The following ADGRL2 variants were observed in gnomAD, a reference collection of about 807,000 sequenced individuals.
ADGRL2 encodes the protein adhesion G protein-coupled receptor L2, also known as calcium-independent alpha-latrotoxin receptor 2.
In ADGRL2, 44 loss-of-function variants were observed where a neutral mutation model predicts 157.4. The observed-to-expected ratio is 0.28, with a 90% CI of 0.22 to 0.36. The LOEUF (loss-of-function observed/expected upper bound fraction) is 0.36. ADGRL2 is among the 10% of genes least tolerant of loss of function. The pLI, the probability that ADGRL2 is intolerant of heterozygous loss-of-function variation, is 1.00. For missense variants in ADGRL2, 1,510 were observed against 1,768.9 expected, an observed-to-expected ratio of 0.85 and a Z score of 2.63; for synonymous variants, 585 against 624.7, an observed-to-expected ratio of 0.94 and a Z score of 0.95.
intron 1 of ADGRL2, among the ~76,000 whole-genome samples, chr1:81,747,033 C>T (rs867148391): frequency 4.2e-5 from 6 of 143,046 alleles, no homozygotes; most frequent in Non-Finnish European, 7.6e-5. Flanking sequence ...CGTGTATATA[C>T]GTATATATAT....
intron 1 of ADGRL2, among the ~76,000 whole-genome samples, chr1:81,405,258 C>CA (rs1324577835): frequency 1.3e-5 from 2 of 152,044 alleles, no homozygotes; most frequent in African/African-American, 4.8e-5. Flanking sequence ...ACATCACACA[C>CA]AAAAAATGGG....
intron 3 of ADGRL2, among the ~76,000 whole-genome samples, chr1:81,619,940 T>C (rs2081753312): frequency 7.9e-6 from 1 of 126,014 alleles, no homozygotes; most frequent in Non-Finnish European, 1.7e-5. Context: ...TTTCCATTTC[T>C]TTAAAAAAAA....
intron 2 of ADGRL2, among the ~76,000 whole-genome samples, chr1:81,859,304 T>C (rs1402045404): frequency 1.3e-5 from 2 of 152,176 alleles, no homozygotes; most frequent in African/African-American, 2.4e-5. Flanking sequence ...TTCTCTCTTA[T>C]TGTGTAGTAT....
At chr1:81,622,585 C>CAA (rs535293011) in intron 3 of ADGRL2, among the ~76,000 whole-genome samples, 2 of 151,794 alleles carry the variant, frequency 1.3e-5, no homozygotes, top group South Asian at 4.2e-4. Flanking sequence ...CGTCTCAAAA[C>CAA]AAAAAAACCT....
At chr1:81,517,464 CAAAAAAAAAA>C (rs397956551) in intron 2 of ADGRL2, among the ~76,000 whole-genome samples, 2 of 45,278 alleles carry the variant, frequency 4.4e-5, no homozygotes, top group South Asian at 1.1e-3. Context: ...GACTCCCTCT[CAAAAAAAAAA>C]AAAAAAAAAA....
chr1:81,393,778 A>C (rs942454834), intron 1 of ADGRL2, among the ~76,000 whole-genome samples: 9 of 152,002 alleles, frequency 5.9e-5, no homozygotes, highest in African/African-American at 2.2e-4. Context: ...AAACAACCAA[A>C]TAATAGTTGA....
intron 1 of ADGRL2, among the ~76,000 whole-genome samples, chr1:81,353,997 T>C (rs1663101437): frequency 6.6e-6 from 1 of 151,892 alleles, no homozygotes; most frequent in African/African-American, 2.4e-5. Flanking sequence ...GTCTGCAGAG[T>C]GTCACAGAAA....
chr1:81,570,327 C>T (rs1265616159), intron 2 of ADGRL2, among the ~76,000 whole-genome samples: 3 of 152,132 alleles, frequency 2.0e-5, no homozygotes, highest in Non-Finnish European at 4.4e-5. Flanking sequence ...AAGCTATATC[C>T]AACTGTAATT....
intron 3 of ADGRL2, among the ~76,000 whole-genome samples, chr1:81,926,424 C>G (rs975113088): frequency 6.6e-6 from 1 of 152,064 alleles, no homozygotes; most frequent in Middle Eastern, 3.4e-3. Context: ...TGTCTTATTA[C>G]GCTGTGTCTT....
intron 15 of ADGRL2, 146 bp downstream of exon 15, chr1:81,969,533 T>C: frequency 1.7e-6 from 1 of 592,936 alleles, no homozygotes; most frequent in South Asian, 2.2e-5. Context: ...TGTAGTAAAT[T>C]AAAAGACTGT....
intron 3 of ADGRL2, among the ~76,000 whole-genome samples, chr1:81,683,885 C>T (rs891417902): frequency 3.3e-5 from 5 of 151,988 alleles, no homozygotes; most frequent in Admixed American, 6.6e-5. Flanking sequence ...GGCGCAATCT[C>T]GGCTCGCTGC....
intron 1 of ADGRL2, among the ~76,000 whole-genome samples, chr1:81,345,336 T>C (rs1662402576): frequency 6.6e-6 from 1 of 152,180 alleles, no homozygotes; most frequent in Admixed American, 6.5e-5. Context: ...TTATCCAAGG[T>C]GATACATTGC....
upstream of ADGRL2, among the ~76,000 whole-genome samples, chr1:81,696,992 A>G (rs1371527287): frequency 2.6e-5 from 4 of 152,294 alleles, no homozygotes; most frequent in Non-Finnish European, 5.9e-5. Context: ...AAACTAATTT[A>G]TGTTTTCTCT....
chr1:81,473,994 C>G (rs1048083232), intron 2 of ADGRL2, among the ~76,000 whole-genome samples: 3 of 152,174 alleles, frequency 2.0e-5, no homozygotes, highest in African/African-American at 7.2e-5. Context: ...GTTGGAAAGA[C>G]TCAGAAGCAG....
At chr1:81,935,800 A>T (rs1054005919) in intron 3 of ADGRL2, among the ~76,000 whole-genome samples, 1 of 150,540 alleles carries the variant, frequency 6.6e-6, no homozygotes, top group African/African-American at 2.4e-5. Flanking sequence ...TACAAAAGTT[A>T]TGAAAAGACC....
intron 2 of ADGRL2, among the ~76,000 whole-genome samples, chr1:81,873,756 C>T (rs1025677385): frequency 6.6e-6 from 1 of 152,098 alleles, no homozygotes; most frequent in Non-Finnish European, 1.5e-5. Flanking sequence ...TCACTTGATT[C>T]TTAGTCCCAC....
chr1:81,466,101 G>C (rs12036615), intron 2 of ADGRL2, among the ~76,000 whole-genome samples: 1,556 of 152,318 alleles, frequency 0.01, 29 homozygotes, highest in East Asian at 0.066. Context: ...CAAGAAGCCA[G>C]AAGATAGAAT....
chr1:81,323,426 T>TC (rs1464015715), intron 1 of ADGRL2, among the ~76,000 whole-genome samples: 1 of 148,456 alleles, frequency 6.7e-6, no homozygotes, highest in Admixed American at 6.7e-5. Context: ...TTTTTTTTTT[T>TC]TTTTTTGTAG....
intron 1 of ADGRL2, among the ~76,000 whole-genome samples, chr1:81,433,770 G>A (rs113857781): frequency 1.3e-5 from 2 of 152,226 alleles, no homozygotes; most frequent in African/African-American, 4.8e-5. Flanking sequence ...TCACTTTTCC[G>A]TGGATTGACT....
Sources: gnomAD v4.1 joint callset for allele counts (sites outside exome capture counted in the v4.1 genomes callset) on GRCh38, gnomAD v4.1.1 for gene constraint, MANE v1.5 for transcripts, NCBI Gene and HGNC (gene_info 2026-07-23, HGNC 2026-07-21) for gene names.